Variants in HELZ observed in about 807,000 individuals in gnomAD.
HELZ encodes helicase with zinc finger, also known as ATP-dependent RNA helicase with zinc finger domain.
Under a neutral mutation model 218.2 loss-of-function variants are expected in HELZ, and 23 were observed. That is an observed-to-expected ratio of 0.11 (90% CI 0.08 to 0.15). The LOEUF (loss-of-function observed/expected upper bound fraction) is 0.15, where lower values mean the gene tolerates loss of function less well. Among genes scored for constraint, HELZ ranks in the 10% least tolerant of loss-of-function variants. The probability of loss-of-function intolerance (pLI) is 1.00; values close to 1 mark genes in which losing one functional copy is unlikely to be tolerated. For missense variants in HELZ, 1,813 were observed against 2,353.7 expected (o/e 0.77, Z 4.75); for synonymous variants, 814 against 829.4 (o/e 0.98, Z 0.32).
At position 67,167,782 on chromosome 17, in the gene HELZ, A is replaced by C; in HGVS notation, c.1445T>G (p.Val482Gly). ...GAAGCTTGCCAGAATCTGCAATTGC[A>C]CTTTAAGGTTGAACCTAAACCAGAA... ...YKEISKFNLKVQLQILASFML... is the reference protein window; with the variant it reads ...YKEISKFNLKGQLQILASFML... The change falls in exon 14 of 33, where the codon GTG becomes GGG. Residue 482 changes from valine to glycine, a missense_variant. This residue lies in a region of HELZ where 714 missense variants were observed against 1,029.2 expected (regional missense o/e 0.69). Coordinates refer to ENST00000358691, the MANE Select transcript of HELZ (RefSeq NM_014877.4). 1 of 1,604,748 alleles carries C rather than the reference A, an allele frequency of 6.2e-7. No homozygotes were observed. Among genetic ancestry groups the C allele is most frequent in the Non-Finnish European group, 8.5e-7 (1 of 1,174,082 alleles).
At chr17:67,100,671 A>G (rs72848840) in intron 31 of HELZ, among the ~76,000 whole-genome samples, 1,599 of 152,146 alleles carry the variant, frequency 0.011, 12 homozygotes, top group Non-Finnish European at 0.018. Context: ...AGTATAATGG[A>G]AAAAAAAGGT....
At position 67,108,533 on chromosome 17, in the gene HELZ, G is replaced by A; in HGVS notation, c.4683C>T (p.Leu1561=). Residue 1561 remains leucine (L), a synonymous_variant, in exon 30 of 33, where the codon CTC becomes CTT. Transcript: ENST00000358691. The surrounding 1 kb of genome is among the most constrained non-coding windows in gnomAD (Gnocchi z 4.1). Reference sequence around the variant, plus strand: ...CCACTTCATCTTCGGCACTGCTGGTGAGCTTCCAGTCTGCCCTCACTGGCG... The same window carrying A: ...CCACTTCATCTTCGGCACTGCTGGTAAGCTTCCAGTCTGCCCTCACTGGCG... ...HQPPVRADWK[L]TSSAEDEVET... is the part of the protein sequence containing the mutation. The A allele has an allele frequency of 1.2e-6, 2 of 1,614,132 alleles. No homozygotes were observed. The highest frequency in any genetic ancestry group is 1.7e-6 in the Non-Finnish European group (2 of 1,180,016).
At chr17:67,227,694 ATGGTTGG>A (rs910544915) in intron 3 of HELZ, among the ~76,000 whole-genome samples, 43 of 152,346 alleles carry the variant, frequency 2.8e-4, no homozygotes, top group Admixed American at 2.1e-3. Flanking sequence ...TCATAGCTAG[ATGGTTGG>A]TCCAGGACCA....
chr17:67,152,948 A>G (rs914963065), intron 17 of HELZ, among the ~76,000 whole-genome samples: 13 of 152,140 alleles, frequency 8.5e-5, no homozygotes, highest in African/African-American at 3.1e-4. Context: ...TAACTGTGTT[A>G]AATGCTGCTA....
At position 67,077,457 on chromosome 17, in the gene HELZ, C is replaced by G. The variant is rs1457835743; in HGVS notation, c.*795G>C. ...ATCAAGTCTACTAAGCACCAACAAT[C>G]CTAAAAATTTTTCAGCTTCTTGATT... On this transcript the variant is annotated 3_prime_UTR_variant, in exon 33 of 33. Coordinates refer to ENST00000358691, the MANE Select transcript of HELZ (RefSeq NM_014877.4). 6.6e-6 allele frequency: 1 copy of G among 151,832 alleles called. No individual in the cohort carries two copies. The highest frequency in any genetic ancestry group is 6.6e-5 in the Admixed American group (1 of 15,224). The allele number at this position is 151,832 out of a possible 1,614,324, so 9.4% of individuals were successfully genotyped here. A position where few individuals can be genotyped will look rare whatever the true frequency, so the allele number is the denominator to read the frequency against.
chr17:67,176,306 T>C (rs1400114998), intron 13 of HELZ: 1 of 152,206 alleles, frequency 6.6e-6, no homozygotes, highest in Non-Finnish European at 1.5e-5. Context: ...TAATATTATA[T>C]CATGAGCATC....
chr17:67,199,251 C>T (rs923653057), intron 7 of HELZ, among the ~76,000 whole-genome samples: 3 of 136,852 alleles, frequency 2.2e-5, no homozygotes, highest in South Asian at 2.4e-4. Flanking sequence ...CTCACTCTGT[C>T]GCCCAGGCTG....
intron 21 of HELZ, 115 bp downstream of exon 21, chr17:67,145,628 G>A: frequency 1.4e-6 from 1 of 722,302 alleles, no homozygotes; most frequent in Non-Finnish European, 2.3e-6. Flanking sequence ...CTATTTACAT[G>A]TAAATGAAGT....
chr17:67,104,219 G>C (rs935740377), intron 31 of HELZ, among the ~76,000 whole-genome samples: 5 of 152,052 alleles, frequency 3.3e-5, no homozygotes, highest in African/African-American at 1.2e-4. Flanking sequence ...CAGATCACGA[G>C]GTCAGGAGAT....
At chr17:67,104,784 G>A (rs952469138) in intron 31 of HELZ, among the ~76,000 whole-genome samples, 1 of 152,162 alleles carries the variant, frequency 6.6e-6, no homozygotes, top group Non-Finnish European at 1.5e-5. Flanking sequence ...AGAAGCACAT[G>A]CAAAGATGTC....
intron 31 of HELZ, among the ~76,000 whole-genome samples, chr17:67,100,376 A>G (rs937471354): frequency 1.3e-5 from 2 of 152,208 alleles, no homozygotes; most frequent in African/African-American, 4.8e-5. Flanking sequence ...GTAAATGTCG[A>G]TTTACTGAAA....
intron 4 of HELZ, among the ~76,000 whole-genome samples, chr17:67,218,368 TACTC>T (rs781207016): frequency 1.3e-5 from 2 of 152,232 alleles, no homozygotes; most frequent in African/African-American, 2.4e-5. Context: ...ACACAGTACA[TACTC>T]AATAAATACT....
intron 2 of HELZ, among the ~76,000 whole-genome samples, chr17:67,242,781 C>T (rs1462276466): frequency 6.6e-6 from 1 of 151,490 alleles, no homozygotes; most frequent in Non-Finnish European, 1.5e-5. Context: ...TTATGTCCAC[C>T]TTCCTTTCCT....
chr17:67,085,655 C>A (rs2036346956), intron 32 of HELZ, among the ~76,000 whole-genome samples: 1 of 151,780 alleles, frequency 6.6e-6, no homozygotes, highest in South Asian at 2.1e-4. Context: ...GATTCACATT[C>A]TAAAGATGAA....
chr17:67,197,979 A>T (rs1046131982), intron 7 of HELZ, among the ~76,000 whole-genome samples: 34 of 152,150 alleles, frequency 2.2e-4, no homozygotes, highest in Non-Finnish European at 2.9e-4. Context: ...AAAAAAATTA[A>T]AAAAAAGCCA....
At chr17:67,089,276 T>C (rs541876728) in intron 31 of HELZ, among the ~76,000 whole-genome samples, 1 of 152,200 alleles carries the variant, frequency 6.6e-6, no homozygotes, top group African/African-American at 2.4e-5. Flanking sequence ...CACAAACCAG[T>C]AGTATAAACG....
In HELZ at chr17:67,109,299, C is replaced by T; in HGVS notation, c.4306G>A (p.Val1436Ile). 2 of 1,614,112 alleles carry T rather than the reference C, an allele frequency of 1.2e-6. No individual in the cohort carries two copies. Among genetic ancestry groups the T allele is most frequent in the Non-Finnish European group, 1.7e-6 (2 of 1,180,040 alleles). Residue 1436 changes from valine to isoleucine, a missense_variant, in exon 29 of 33, where the codon GTT (valine) becomes ATT (isoleucine). Physicochemically the swap from Val to Ile is conservative, Grantham distance 29 (BLOSUM62 3). Transcript: ENST00000358691. ...GPNNAFFNSA[V>I]AHRPQSPPAE... ...GGAGGAGACTGTGGCCGATGAGCAA[C>T]TGCACTATTAAAAAAAGCATTGTTG...
chr17:67,222,488 T>C (rs763443137), intron 3 of HELZ, among the ~76,000 whole-genome samples: 1 of 152,112 alleles, frequency 6.6e-6, no homozygotes, highest in Non-Finnish European at 1.5e-5. Context: ...TGAGAGGAAA[T>C]GACTCAATTT....
At chr17:67,238,543 A>C (rs998363996) in intron 3 of HELZ, among the ~76,000 whole-genome samples, 3 of 151,894 alleles carry the variant, frequency 2.0e-5, no homozygotes, top group Admixed American at 6.6e-5. Flanking sequence ...GTAGCTGGGC[A>C]TGGTGGCGGG....
Sources: gnomAD v4.1 joint callset for allele counts (sites outside exome capture counted in the v4.1 genomes callset) on GRCh38, gnomAD v4.1.1 for gene constraint, gnomAD v4.1.1 regional missense constraint, Gnocchi (gnomAD v3.1) non-coding constraint, MANE v1.5 for transcripts, NCBI Gene and HGNC (gene_info 2026-07-23, HGNC 2026-07-21) for gene names.